BMP10: variants seen among roughly 807,000 people sequenced by gnomAD.
The protein encoded by BMP10 is bone morphogenetic protein 10.
A neutral mutation model predicts 29.9 loss-of-function variants in BMP10; 9 were observed. The ratio of observed to expected loss-of-function variants is 0.30; its 90% CI spans 0.18 to 0.53. The LOEUF is 0.53. Ranked by LOEUF, BMP10 falls within the 20% of genes least tolerant of loss-of-function variation. The pLI is 0.96. For synonymous variants in BMP10, 202 were observed against 200.2 expected (o/e 1.01, Z -0.07); for missense variants, 474 against 524.3 (o/e 0.90, Z 0.94).
Position 68,867,334 on chromosome 2 carries a change from G to A in BMP10, c.335-763C>T, listed in dbSNP as rs530485519. On this transcript the variant is annotated intron_variant, in intron 1 of 1. Transcript: ENST00000295379. Reference sequence around the variant, plus strand: ...GTTCTAGGCAACAAAGCCTGACAAGGCCAATAAGACAGCCATAAACCAAGA... The same window carrying A: ...GTTCTAGGCAACAAAGCCTGACAAGACCAATAAGACAGCCATAAACCAAGA... Among the ~76,000 whole-genome samples the A allele has an allele frequency of 2.4e-4, 36 of 152,248 alleles. No individual in the cohort carries two copies. In the South Asian group the frequency reaches 7.5e-3, roughly 32 times the overall value.
chr2:68,864,107 C>T lies in BMP10; in HGVS notation c.*1524G>A, dbSNP rs568437878. On this transcript the variant is annotated 3_prime_UTR_variant, in exon 2 of 2. Coordinates refer to ENST00000295379, the MANE Select transcript of BMP10 (RefSeq NM_014482.3). ...GAAAACCCACCGGACCCTTCCTGTGCAGAACACTTCCTCACCACTTTCAGT... is the reference window on the plus strand; with the variant it reads ...GAAAACCCACCGGACCCTTCCTGTGTAGAACACTTCCTCACCACTTTCAGT... 6.4e-4 allele frequency among the ~76,000 whole-genome samples: 97 copies of T among 152,288 alleles called. No homozygotes were observed. The highest frequency in any genetic ancestry group is 2.2e-3 in the African/African-American group (93 of 41,554).
Position 68,864,226 on chromosome 2 carries a change from G to T in BMP10, c.*1405C>A, listed in dbSNP as rs1456430474. Among the ~76,000 whole-genome samples the T allele has an allele frequency of 2.0e-5, 3 of 152,046 alleles. No individual in the cohort carries two copies. Among genetic ancestry groups the T allele is most frequent in the African/African-American group, 7.2e-5 (3 of 41,404 alleles). ...AAACAATCATGATTTCAAAATTCAG[G>T]CTTGGCTTTTGAGTCATTTGCTTGT... On this transcript the variant is annotated 3_prime_UTR_variant, in exon 2 of 2. Coordinates refer to ENST00000295379, the MANE Select transcript of BMP10 (RefSeq NM_014482.3).
rs1683059162 is a variant in BMP10, at chr2:68,871,144, G to A, written c.215C>T (p.Pro72Leu). The change falls in exon 1 of 2, where the codon CCC becomes CTC. Residue 72 changes from proline (P) to leucine (L), a missense_variant. This residue lies in a region of BMP10 where 408 missense variants were observed against 415.3 expected (regional missense o/e 0.98). Transcript: ENST00000295379. ...FLKTLNLSDI[P>L]TQDSAKVDPP... ...GTCCACCTTGGCTGAATCCTGCGTGGGGATGTCAGAGAGGTTTAGTGTCTT... is the reference window on the plus strand; with the variant it reads ...GTCCACCTTGGCTGAATCCTGCGTGAGGATGTCAGAGAGGTTTAGTGTCTT... 2 of 1,613,996 alleles carry A rather than the reference G, an allele frequency of 1.2e-6. No homozygotes were observed. The highest frequency in any genetic ancestry group is 2.7e-5 in the African/African-American group (2 of 74,898).
intron 1 of BMP10, among the ~76,000 whole-genome samples, chr2:68,869,844 A>G (rs1683036607): frequency 6.6e-6 from 1 of 152,256 alleles, no homozygotes; most frequent in Admixed American, 6.5e-5. Flanking sequence ...CAGTACCTAG[A>G]ATATTAAGTA....
Position 68,866,485 on chromosome 2 carries a change from T to C in BMP10, c.421A>G (p.Ile141Val), listed in dbSNP as rs779624665. 1 of 1,613,958 alleles carries C rather than the reference T, an allele frequency of 6.2e-7. No homozygotes were observed. Among genetic ancestry groups the C allele is most frequent in the Admixed American group, 1.7e-5 (1 of 59,996 alleles). The part of the protein sequence containing the change: ...NVSIPHHEEV[I>V]MAELRLYTLV... Reference sequence around the variant, plus strand: ...GTGTATAGCCTAAGTTCAGCCATGATGACCTCTTCATGGTGAGGAATGGAC... The same window carrying C: ...GTGTATAGCCTAAGTTCAGCCATGACGACCTCTTCATGGTGAGGAATGGAC... The change falls in exon 2 of 2, where the codon ATC becomes GTC. Residue 141 changes from isoleucine to valine, a missense_variant. Physicochemically the swap from Ile to Val is conservative, Grantham distance 29. Around this residue, in one of 2 missense-constraint regions of BMP10, gnomAD observed 408 missense variants for 415.3 expected, o/e 0.98. Transcript: ENST00000295379.
At chr2:68,868,402 T>G (rs1439304698) in intron 1 of BMP10, among the ~76,000 whole-genome samples, 1 of 152,212 alleles carries the variant, frequency 6.6e-6, no homozygotes, top group Non-Finnish European at 1.5e-5. Flanking sequence ...ATATCTCCTT[T>G]GATCCTTGTC....
intron 1 of BMP10, among the ~76,000 whole-genome samples, chr2:68,866,968 T>G (rs1173382490): frequency 1.3e-5 from 2 of 152,126 alleles, no homozygotes; most frequent in Non-Finnish European, 2.9e-5. Flanking sequence ...GTTCCTTTCT[T>G]GAAGCTTTTC....
chr2:68,870,978 T>A, intron 1 of BMP10, 47 bp downstream of exon 1: 6 of 1,509,296 alleles, frequency 4.0e-6, no homozygotes, highest in Non-Finnish European at 5.5e-6. Flanking sequence ...ATTTACTTAT[T>A]GTGTCTTGAA....
Position 68,871,223 on chromosome 2 carries a change from G to C in BMP10, c.136C>G (p.Gln46Glu). The change falls in exon 1 of 2, where the codon CAA (glutamine) becomes GAA (glutamate). Residue 46 changes from glutamine to glutamate, a missense_variant. This residue lies in a region of BMP10 where 408 missense variants were observed against 415.3 expected (regional missense o/e 0.98). Coordinates refer to ENST00000295379, the MANE Select transcript of BMP10 (RefSeq NM_014482.3). Reference sequence around the variant, plus strand: ...AGTGTGTTAAAGTCGACACCGTCTTGCTCTGAGAAAACATCACCAAAGAGG... The same window carrying C: ...AGTGTGTTAAAGTCGACACCGTCTTCCTCTGAGAAAACATCACCAAAGAGG... ...MSLFGDVFSE[Q>E]DGVDFNTLLQ... The C allele has an allele frequency of 6.2e-7, 1 of 1,614,100 alleles. No individual in the cohort carries two copies. The highest frequency in any genetic ancestry group is 8.5e-7 in the Non-Finnish European group (1 of 1,180,008).
rs1682907891 is a variant in BMP10, at chr2:68,863,995, C to G, written c.*1636G>C. On this transcript the variant is annotated 3_prime_UTR_variant, in exon 2 of 2. Coordinates refer to ENST00000295379, the MANE Select transcript of BMP10 (RefSeq NM_014482.3). ...AGTTTGGAAACTGCTCTGCTCTGCT[C>G]TGGTTCCTCCTGCACAAAGCCCAGA... Among the ~76,000 whole-genome samples, 1 of 152,148 alleles carries G rather than the reference C, an allele frequency of 6.6e-6. No homozygotes were observed. The highest frequency in any genetic ancestry group is 6.5e-5 in the Admixed American group (1 of 15,270).
rs750453264 is a variant in BMP10 at position 68,866,236 on chromosome 2, T to C, written c.670A>G (p.Ile224Val). ...TCAGCTTCATCGTGTTTGCTCTCAA[T>C]GTGGACCTCCAGCTGGTGGGTGGAT... ...GSSTHQLEVH[I>V]ESKHDEAEDA... Residue 224 changes from isoleucine to valine, a missense_variant, in exon 2 of 2, where the codon ATT (isoleucine) becomes GTT (valine). Physicochemically the swap from Ile to Val is conservative, Grantham distance 29 (BLOSUM62 3). Coordinates refer to ENST00000295379, the MANE Select transcript of BMP10 (RefSeq NM_014482.3). 6 of 1,614,092 alleles carry C rather than the reference T, an allele frequency of 3.7e-6. No homozygotes were observed. In the Admixed American group the frequency reaches 8.3e-5, roughly 22 times the overall value.
rs375601785 is a variant in BMP10 at position 68,865,675 on chromosome 2, A to G, written c.1231T>C (p.Phe411Leu). 1 of 1,613,950 alleles carries G rather than the reference A, an allele frequency of 6.2e-7. No homozygotes were observed. Among genetic ancestry groups the G allele is most frequent in the African/African-American group, 1.3e-5 (1 of 74,900 alleles). Residue 411 changes from phenylalanine to leucine, a missense_variant, in exon 2 of 2, where the codon TTT becomes CTT. This residue lies in a region of BMP10 where 66 missense variants were observed against 109.0 expected (regional missense o/e 0.61). Transcript: ENST00000295379. This position sits in a 1 kb window ranked among gnomAD's most constrained non-coding sequence, Gnocchi z 4.7. The stretch of plus-strand genomic sequence containing the variant: ...GAGACGGCCATGCCTTCGTATTTAA[A>G]CTTGTAGGTGACGACGCCTTTGTCT... ...YLDKGVVTYK[F>L]KYEGMAVSEC... is the part of the protein sequence containing the mutation.
Position 68,871,320 on chromosome 2 carries a change from G to T in BMP10, c.39C>A (p.Cys13Ter). The T allele has an allele frequency of 1.9e-6, 3 of 1,614,100 alleles. No individual in the cohort carries two copies. Among genetic ancestry groups the T allele is most frequent in the Non-Finnish European group, 2.5e-6 (3 of 1,179,992 alleles). ...TGCCAGAAACCAAGTAAGCTGCCAG[G>T]CAGAAAAGAGCGCACAGTGTCAGGA... ...SLVLTLCALF[C>*]LAAYLVSGSP... is the part of the protein sequence containing the mutation. The change falls in exon 1 of 2, where the codon TGC becomes TGA. Residue 13 changes from cysteine to a stop codon, truncating the protein, a stop_gained. Transcript: ENST00000295379. LOFTEE classifies it high-confidence loss of function.
At chr2:68,867,011 GT>G in intron 1 of BMP10, among the ~76,000 whole-genome samples, 1 of 152,222 alleles carries the variant, frequency 6.6e-6, no homozygotes, top group East Asian at 1.9e-4. Context: ...TTTAATATTT[GT>G]GTTTGTAGTG....
Position 68,871,384 on chromosome 2 carries a change from G to A in BMP10, c.-26C>T, listed in dbSNP as rs564466617. ...GACTCCGCTCGAGCTCCTAGGCCAA[G>A]CCAGGAAGGTTTAGCTTCCCTGGGC... On this transcript the variant is annotated 5_prime_UTR_variant, in exon 1 of 2. Transcript: ENST00000295379. 199 of 1,602,208 alleles carry A rather than the reference G, an allele frequency of 1.2e-4. 4 individuals are homozygous for A. The East Asian group carries it at 4.3e-3, about 35-fold the overall frequency.
chr2:68,864,301 T>C lies in BMP10; in HGVS notation c.*1330A>G, dbSNP rs1326072543. ...TTAAATCCATTCATTTGGACTCTGG[T>C]TTTCTTTTTCTTATACTTACTTATT... On this transcript the variant is annotated 3_prime_UTR_variant, in exon 2 of 2. Transcript: ENST00000295379. 6.6e-6 allele frequency among the ~76,000 whole-genome samples: 1 copy of C among 152,222 alleles called. No individual in the cohort carries two copies. Among genetic ancestry groups the C allele is most frequent in the Non-Finnish European group, 1.5e-5 (1 of 68,036 alleles).
chr2:68,863,838 GA>G lies in BMP10; in HGVS notation c.*1792del, dbSNP rs1482117243. ...TGATTGTTTTCCAGGGTAAAAAAAA[GA>G]AAAAAGTGTCAGACTTCTTAAGGAA... On this transcript the variant is annotated 3_prime_UTR_variant, in exon 2 of 2. Coordinates refer to ENST00000295379, the MANE Select transcript of BMP10 (RefSeq NM_014482.3). Among the ~76,000 whole-genome samples, 1 of 152,082 alleles carries G rather than the reference GA, an allele frequency of 6.6e-6. No homozygotes were observed. Among genetic ancestry groups the G allele is most frequent in the African/African-American group, 2.4e-5 (1 of 41,430 alleles).
rs2103801634 is a variant in BMP10, at chr2:68,863,404, A to G, written c.*2227T>C. Among the ~76,000 whole-genome samples the G allele has an allele frequency of 6.6e-6, 1 of 152,338 alleles. No individual in the cohort carries two copies. The highest frequency in any genetic ancestry group is 3.4e-3 in the Middle Eastern group (1 of 294). On this transcript the variant is annotated 3_prime_UTR_variant, in exon 2 of 2. Coordinates refer to ENST00000295379, the MANE Select transcript of BMP10 (RefSeq NM_014482.3). ...CTGGTCAGCTGAGGTTTTACTGTGT[A>G]TGTATTACAGTGTCCTTTAGAAAGG...
rs1383808334 is a variant in BMP10 at position 68,866,118 on chromosome 2, T to C, written c.788A>G (p.Asp263Gly). Residue 263 changes from aspartate to glycine, a missense_variant, in exon 2 of 2, where the codon GAC (aspartate) becomes GGC (glycine). This residue lies in a region of BMP10 where 408 missense variants were observed against 415.3 expected (regional missense o/e 0.98). Transcript: ENST00000295379. ...ATTCAGTTCCTCCTTCCTCTCCTTG[T>C]CACTGCTTTGGTCATCAGAAAACAC... ...LIVFSDDQSSDKERKEELNEM... is the reference protein window; with the variant it reads ...LIVFSDDQSSGKERKEELNEM... The C allele has an allele frequency of 6.2e-7, 1 of 1,614,120 alleles. No homozygotes were observed. The highest frequency in any genetic ancestry group is 1.7e-4 in the Middle Eastern group (1 of 6,060).
Sources: allele counts gnomAD v4.1 joint callset (sites outside exome capture counted in the v4.1 genomes callset), GRCh38; gene constraint gnomAD v4.1.1; regional missense constraint gnomAD v4.1.1; non-coding constraint Gnocchi (gnomAD v3.1); transcripts MANE v1.5; gene names NCBI Gene and HGNC (gene_info 2026-07-23, HGNC 2026-07-21).